Variants in ARPP21 observed in about 807,000 individuals in gnomAD.
ARPP21 encodes cAMP regulated phosphoprotein 21.
Under a neutral mutation model 113.2 loss-of-function variants are expected in ARPP21, and 69 were observed. The ratio of observed to expected loss-of-function variants is 0.61; its 90% CI spans 0.50 to 0.74. ARPP21 has a LOEUF of 0.74. Among genes scored for constraint, ARPP21 ranks in the 30% least tolerant of loss-of-function variants. ARPP21 has a pLI of 0.00. For synonymous variants in ARPP21, 368 were observed against 375.5 expected, an observed-to-expected ratio of 0.98 and a Z score of 0.23; for missense variants, 1,070 against 1,037.4, an observed-to-expected ratio of 1.03 and a Z score of -0.43.
intron 1 of ARPP21, among the ~76,000 whole-genome samples, chr3:35,658,190 G>A (rs539988555): frequency 6.6e-6 from 1 of 152,212 alleles, no homozygotes; most frequent in East Asian, 1.9e-4. Context: ...TGGGCATGGT[G>A]ATGGCAGGCA....
intron 19 of ARPP21, among the ~76,000 whole-genome samples, chr3:35,749,697 T>G (rs2095330391): frequency 6.6e-6 from 1 of 152,150 alleles, no homozygotes; most frequent in African/African-American, 2.4e-5. Context: ...ACTTTGTATT[T>G]TAAGATAATT....
chr3:35,668,011 G>GAAGAAGAAGAAGAAGAAA (rs2075242122), intron 1 of ARPP21, among the ~76,000 whole-genome samples: 69 of 150,090 alleles, frequency 4.6e-4, no homozygotes, highest in African/African-American at 1.6e-3. Flanking sequence ...AGAAGAAGAA[G>GAAGAAGAAGAAGAAGAAA]AAGAAGAAGA....
intron 19 of ARPP21, among the ~76,000 whole-genome samples, chr3:35,754,477 G>A (rs1006782512): frequency 1.3e-5 from 2 of 151,906 alleles, no homozygotes; most frequent in African/African-American, 4.8e-5. Flanking sequence ...AATCCTTGTG[G>A]AACATGCTGT....
intron 19 of ARPP21, among the ~76,000 whole-genome samples, chr3:35,766,978 G>C (rs542017612): frequency 6.6e-6 from 1 of 152,110 alleles, no homozygotes; most frequent in East Asian, 1.9e-4. Flanking sequence ...AATGGTGTGA[G>C]CATTAAATGC....
At chr3:35,660,098 T>C (rs942211831) in intron 1 of ARPP21, among the ~76,000 whole-genome samples, 127 of 152,168 alleles carry the variant, frequency 8.3e-4, no homozygotes, top group Non-Finnish European at 2.9e-4. Context: ...ATTCTCAGCT[T>C]TTGGACCTTG....
intron 1 of ARPP21, among the ~76,000 whole-genome samples, chr3:35,663,449 T>A (rs1708729757): frequency 6.6e-6 from 1 of 152,234 alleles, no homozygotes. Context: ...TTGAACTTTT[T>A]ATTATGGAAA....
At chr3:35,777,490 G>A (rs1359620114) in intron 19 of ARPP21, among the ~76,000 whole-genome samples, 1 of 152,148 alleles carries the variant, frequency 6.6e-6, no homozygotes. Flanking sequence ...ATTTAAACCA[G>A]AAAACTATTT....
intron 19 of ARPP21, among the ~76,000 whole-genome samples, chr3:35,754,818 C>T (rs1056043548): frequency 2.6e-5 from 4 of 151,798 alleles, no homozygotes; most frequent in African/African-American, 9.7e-5. Flanking sequence ...ATTTGTTATG[C>T]AGTTAAGAAC....
intron 9 of ARPP21, among the ~76,000 whole-genome samples, chr3:35,695,138 TCAACTC>T (rs1256494057): frequency 6.6e-6 from 1 of 151,418 alleles, no homozygotes. Flanking sequence ...ATCTGATTGT[TCAACTC>T]CATAGACTTA....
Position 35,729,550 on chromosome 3 carries a change from T to C in ARPP21, c.1459+14T>C. 1 of 1,596,156 alleles carries C rather than the reference T, an allele frequency of 6.3e-7. No homozygotes were observed. The highest frequency in any genetic ancestry group is 8.6e-7 in the Non-Finnish European group (1 of 1,163,692). On this transcript the variant is annotated intron_variant, in intron 15 of 20. Coordinates refer to ENST00000684406, the MANE Select transcript of ARPP21 (RefSeq NM_001385562.1). Reference sequence around the variant, plus strand: ...ATCCACACACAGGTGAGTTACTACCTGCTTTATCAGGGACACAAGGCTTTC... The same window carrying C: ...ATCCACACACAGGTGAGTTACTACCCGCTTTATCAGGGACACAAGGCTTTC...
At chr3:35,694,620 G>T (rs1044986453) in intron 9 of ARPP21, among the ~76,000 whole-genome samples, 3 of 151,178 alleles carry the variant, frequency 2.0e-5, no homozygotes, top group African/African-American at 7.3e-5. Context: ...ATATCAAAAA[G>T]ATTTTTTTTA....
chr3:35,789,864 T>A (rs1162380414), intron 19 of ARPP21, among the ~76,000 whole-genome samples: 1 of 152,236 alleles, frequency 6.6e-6, no homozygotes, highest in Admixed American at 6.5e-5. Flanking sequence ...AACAGCTCTA[T>A]TATTTTCCCT....
chr3:35,720,890 GT>G (rs1559739361), intron 13 of ARPP21, among the ~76,000 whole-genome samples: 2 of 152,052 alleles, frequency 1.3e-5, no homozygotes, highest in Non-Finnish European at 2.9e-5. Context: ...TATTTCCATT[GT>G]TCCCCTTGGA....
chr3:35,643,532 C>T (rs191060956), intron 1 of ARPP21: 1 of 152,118 alleles, frequency 6.6e-6, no homozygotes. Flanking sequence ...AGTGGGAATC[C>T]TCATCGGAAT....
intron 15 of ARPP21, among the ~76,000 whole-genome samples, chr3:35,733,179 C>A (rs2094112927): frequency 6.6e-6 from 1 of 151,526 alleles, no homozygotes; most frequent in South Asian, 2.1e-4. Context: ...GAGGAGGGTC[C>A]ATGCTTATTT....
rs199538011 is a variant in ARPP21 at position 35,743,871 on chromosome 3, C to A, written c.2043C>A (p.Tyr681Ter). The A allele has an allele frequency of 3.1e-6, 5 of 1,613,984 alleles. No homozygotes were observed. The highest frequency in any genetic ancestry group is 4.2e-6 in the Non-Finnish European group (5 of 1,179,938). The change falls in exon 19 of 21, where the codon TAC becomes TAA. Residue 681 changes from tyrosine (Y) to a stop codon, truncating the protein, a stop_gained. Transcript: ENST00000684406. LOFTEE classifies it high-confidence loss of function. ...TATATTATTACCCATCTGGTCAGTACCCTACCTCAACCACGCAACAGTACC... is the reference window on the plus strand; with the variant it reads ...TATATTATTACCCATCTGGTCAGTAACCTACCTCAACCACGCAACAGTACC... ...MPVYYYPSGQ[Y>*]PTSTTQQYRP...
At chr3:35,789,270 C>T (rs1332278768) in intron 19 of ARPP21, among the ~76,000 whole-genome samples, 9 of 152,194 alleles carry the variant, frequency 5.9e-5, no homozygotes, top group African/African-American at 1.7e-4. Context: ...CAGGCACTGT[C>T]GGTTCATTCA....
chr3:35,738,962 C>T (rs1401832893), intron 17 of ARPP21, among the ~76,000 whole-genome samples: 3 of 152,156 alleles, frequency 2.0e-5, no homozygotes, highest in African/African-American at 7.2e-5. Flanking sequence ...TCTGTGGTTT[C>T]TGCTGGGAAG....
chr3:35,639,028 ACG>A (rs1473313440), upstream of ARPP21: 1 of 152,142 alleles, frequency 6.6e-6, no homozygotes, highest in African/African-American at 2.4e-5. The surrounding 1 kb of genome is among the most constrained non-coding windows in gnomAD (Gnocchi z 5.0). Context: ...CGCCCCCGAG[ACG>A]GGTACGCTGG....
Sources: allele counts gnomAD v4.1 joint callset (sites outside exome capture counted in the v4.1 genomes callset), GRCh38; gene constraint gnomAD v4.1.1; non-coding constraint Gnocchi (gnomAD v3.1); transcripts MANE v1.5; gene names NCBI Gene and HGNC (gene_info 2026-07-23, HGNC 2026-07-21).